The following STXBP5L variants were observed in gnomAD, a reference collection of about 807,000 sequenced individuals.
STXBP5L encodes syntaxin binding protein 5L.
STXBP5L carries 65 observed loss-of-function variants against 144.5 expected under a neutral mutation model. The observed-to-expected ratio is 0.45, with a 90% CI of 0.37 to 0.55. STXBP5L has a LOEUF of 0.55. STXBP5L is among the 20% of genes least tolerant of loss of function. The pLI is 0.00. For missense variants in STXBP5L, 1,298 were observed against 1,405.5 expected (o/e 0.92, Z 1.22); for synonymous variants, 505 against 469.6 (o/e 1.08, Z -0.97).
At chr3:121,226,571 A>G (rs540736845) in intron 11 of STXBP5L, among the ~76,000 whole-genome samples, 3 of 152,300 alleles carry the variant, frequency 2.0e-5, no homozygotes, top group African/African-American at 7.2e-5. Context: ...AAAAGGGGAA[A>G]TCCCCTGAAT....
intron 3 of STXBP5L, among the ~76,000 whole-genome samples, chr3:121,026,147 T>A (rs1945927198): frequency 6.6e-6 from 1 of 151,396 alleles, no homozygotes; most frequent in African/African-American, 2.4e-5. Flanking sequence ...TGTATCACCT[T>A]GATTTAAAGG....
At chr3:120,938,748 G>T (rs1710400247) in intron 2 of STXBP5L, among the ~76,000 whole-genome samples, 1 of 152,106 alleles carries the variant, frequency 6.6e-6, no homozygotes, top group African/African-American at 2.4e-5. Context: ...TATTCACTAG[G>T]TTGGTGACCT....
At chr3:120,939,368 C>A (rs1321462957) in intron 2 of STXBP5L, among the ~76,000 whole-genome samples, 1 of 152,098 alleles carries the variant, frequency 6.6e-6, no homozygotes, top group Non-Finnish European at 1.5e-5. Flanking sequence ...GACTATATTA[C>A]TTCTTTGGTA....
chr3:121,199,132 G>A (rs371731308), intron 9 of STXBP5L, among the ~76,000 whole-genome samples: 98 of 151,954 alleles, frequency 6.4e-4, no homozygotes, highest in Middle Eastern at 3.4e-3. Context: ...ATTTTTTTCC[G>A]TTTGTTTGTG....
At chr3:121,077,288 G>A (rs538158614) in intron 5 of STXBP5L, among the ~76,000 whole-genome samples, 93 of 152,288 alleles carry the variant, frequency 6.1e-4, no homozygotes, top group African/African-American at 2.1e-3. Flanking sequence ...GATGTGTCCA[G>A]AATTGGTGGG....
intron 9 of STXBP5L, among the ~76,000 whole-genome samples, chr3:121,187,089 A>T (rs184889894): frequency 9.9e-4 from 151 of 152,280 alleles, no homozygotes; most frequent in Admixed American, 1.9e-3. Flanking sequence ...ATAATAAAAG[A>T]TGCTGCTATA....
intron 6 of STXBP5L, among the ~76,000 whole-genome samples, chr3:121,121,283 C>A (rs2044450163): frequency 6.6e-6 from 1 of 151,234 alleles, no homozygotes; most frequent in Non-Finnish European, 1.5e-5. Context: ...GACAGTTTTA[C>A]ACCATTACCT....
chr3:121,112,233 C>G (rs1344880090), intron 5 of STXBP5L, among the ~76,000 whole-genome samples: 1 of 152,068 alleles, frequency 6.6e-6, no homozygotes, highest in Non-Finnish European at 1.5e-5. Flanking sequence ...GAGCGACCGC[C>G]AAGAATCTGC....
intron 3 of STXBP5L, among the ~76,000 whole-genome samples, chr3:121,003,172 A>C (rs1245478654): frequency 4.6e-5 from 7 of 152,180 alleles, no homozygotes; most frequent in Non-Finnish European, 8.8e-5. Context: ...AGTCCCACCA[A>C]CAGTGTAAAA....
At chr3:121,024,911 T>G (rs189879163) in intron 3 of STXBP5L, among the ~76,000 whole-genome samples, 8 of 152,186 alleles carry the variant, frequency 5.3e-5, no homozygotes, top group Non-Finnish European at 8.8e-5. Flanking sequence ...TTTTTGATCA[T>G]GAAAAATCAC....
intron 22 of STXBP5L, among the ~76,000 whole-genome samples, chr3:121,398,780 G>T (rs756486204): frequency 1.6e-4 from 24 of 152,218 alleles, no homozygotes; most frequent in Non-Finnish European, 2.8e-4. Flanking sequence ...TCAACTAAAT[G>T]TGCTTTCCTG....
chr3:120,981,065 G>C (rs991054857), intron 3 of STXBP5L, among the ~76,000 whole-genome samples: 1 of 152,080 alleles, frequency 6.6e-6, no homozygotes, highest in Admixed American at 6.6e-5. Context: ...TTTCTGCTGA[G>C]AAGTCCACTG....
At chr3:121,046,588 G>A (rs898207254) in intron 5 of STXBP5L, among the ~76,000 whole-genome samples, 2 of 152,078 alleles carry the variant, frequency 1.3e-5, no homozygotes, top group Admixed American at 6.6e-5. Context: ...TCAATCTTGG[G>A]AGTTTGTATG....
rs547776015 is a variant in STXBP5L at position 121,075,396 on chromosome 3, G to T, written c.470+29861G>T. Among the ~76,000 whole-genome samples, 5 of 152,220 alleles carry T rather than the reference G, an allele frequency of 3.3e-5. No individual in the cohort carries two copies. In the East Asian group the frequency reaches 9.7e-4, roughly 29 times the overall value. ...AAAACCGGTTTCTCTTCCAACTAAG[G>T]CTGCTGCCAGCAAGTCTGCCTTTTC... On this transcript the variant is annotated intron_variant, in intron 5 of 26. Coordinates refer to ENST00000471454, the MANE Select transcript of STXBP5L (RefSeq NM_001308330.2).
intron 7 of STXBP5L, among the ~76,000 whole-genome samples, chr3:121,140,043 T>C (rs1472918466): frequency 6.6e-6 from 1 of 152,108 alleles, no homozygotes; most frequent in Non-Finnish European, 1.5e-5. Flanking sequence ...CATTTCTCAC[T>C]ATATTAAAAA....
chr3:121,014,565 A>G (rs747269500), intron 3 of STXBP5L, among the ~76,000 whole-genome samples: 80 of 152,010 alleles, frequency 5.3e-4, no homozygotes, highest in Non-Finnish European at 1.0e-3. Flanking sequence ...TCACTTGTTC[A>G]TGGACTTGTT....
intron 20 of STXBP5L, among the ~76,000 whole-genome samples, chr3:121,322,022 T>C (rs578017823): frequency 1.8e-4 from 27 of 152,174 alleles, no homozygotes; most frequent in African/African-American, 6.5e-4. Flanking sequence ...TCCTTTCCCC[T>C]CTAGTAGCCC....
intron 5 of STXBP5L, among the ~76,000 whole-genome samples, chr3:121,068,986 T>C (rs531614685): frequency 5.3e-5 from 8 of 152,176 alleles, no homozygotes; most frequent in Non-Finnish European, 1.2e-4. Flanking sequence ...CATATGTTAA[T>C]GTCGTACATG....
chr3:120,972,999 C>T (rs138932256), intron 3 of STXBP5L, among the ~76,000 whole-genome samples: 1 of 152,040 alleles, frequency 6.6e-6, no homozygotes, highest in East Asian at 1.9e-4. Flanking sequence ...GTTTTTGCAA[C>T]TCTGTTCATC....
Sources: gnomAD v4.1 joint callset for allele counts (sites outside exome capture counted in the v4.1 genomes callset) on GRCh38, gnomAD v4.1.1 for gene constraint, MANE v1.5 for transcripts, NCBI Gene and HGNC (gene_info 2026-07-23, HGNC 2026-07-21) for gene names.